Variants in SPIRE1 observed in about 807,000 individuals in gnomAD.
The protein encoded by SPIRE1 is spire type actin nucleation factor 1, also known as protein spire homolog 1.
SPIRE1 carries 40 observed loss-of-function variants against 94.1 expected under a neutral mutation model. That is an observed-to-expected ratio of 0.43 (90% CI 0.33 to 0.55). The LOEUF (loss-of-function observed/expected upper bound fraction) is 0.55. Ranked by LOEUF, SPIRE1 falls within the 20% of genes least tolerant of loss-of-function variation. SPIRE1 has a pLI of 0.06. For synonymous variants in SPIRE1, 376 were observed against 371.7 expected, an observed-to-expected ratio of 1.01 and a Z score of -0.13; for missense variants, 838 against 975.2, an observed-to-expected ratio of 0.86 and a Z score of 1.87.
chr18:12,657,450 G>A lies in SPIRE1; in HGVS notation c.337+80C>T, dbSNP rs2038581168. The A allele has an allele frequency of 3.6e-6, 4 of 1,125,582 alleles. 1 individual carries two copies. The South Asian group carries it at 1.8e-4, about 51-fold the overall frequency. 69.7% of individuals were successfully genotyped at this position (1,125,582 alleles called of 1,614,324 possible). ...ATGGGGGGGGACGGCGGGGGCGGAAGGGCCGGGGACGCTGAGGGTAAGGCG... is the reference window on the plus strand; with the variant it reads ...ATGGGGGGGGACGGCGGGGGCGGAAAGGCCGGGGACGCTGAGGGTAAGGCG... On this transcript the variant is annotated intron_variant, in intron 1 of 16. Transcript: ENST00000409402.
At chr18:12,469,180 A>G (rs1380911542) in intron 10 of SPIRE1, among the ~76,000 whole-genome samples, 10 of 152,146 alleles carry the variant, frequency 6.6e-5, no homozygotes, top group African/African-American at 2.4e-4. Flanking sequence ...TAAAGGTAAC[A>G]TTTTGATTTT....
chr18:12,530,157 T>C (rs2034643528), intron 4 of SPIRE1, among the ~76,000 whole-genome samples: 1 of 152,112 alleles, frequency 6.6e-6, no homozygotes, highest in African/African-American at 2.4e-5. Context: ...ATTTAAGATA[T>C]AAAATAAAAT....
At chr18:12,604,705 C>T (rs774128131) in intron 2 of SPIRE1, among the ~76,000 whole-genome samples, 2 of 152,078 alleles carry the variant, frequency 1.3e-5, no homozygotes, top group Admixed American at 6.6e-5. Flanking sequence ...CCAAGTCTCA[C>T]TTAGTGAGGG....
chr18:12,654,367 C>G (rs1294722410), intron 1 of SPIRE1, among the ~76,000 whole-genome samples: 5 of 144,164 alleles, frequency 3.5e-5, no homozygotes, highest in Non-Finnish European at 7.5e-5. Context: ...AAAAATTTGG[C>G]TGGGCACGGT....
At chr18:12,621,591 T>G (rs552544267) in intron 2 of SPIRE1, among the ~76,000 whole-genome samples, 6 of 152,318 alleles carry the variant, frequency 3.9e-5, no homozygotes, top group Admixed American at 3.3e-4. Context: ...CTGAACATTA[T>G]GCTAAATGAA....
chr18:12,449,938 A>T, intron 16 of SPIRE1, 42 bp from the exon 17 acceptor site: 1 of 1,580,554 alleles, frequency 6.3e-7, no homozygotes, highest in Non-Finnish European at 8.6e-7. Flanking sequence ...TGTTACTTAT[A>T]GGTCTGCTGC....
At chr18:12,503,241 A>G (rs1327070783) in intron 6 of SPIRE1, among the ~76,000 whole-genome samples, 3 of 152,152 alleles carry the variant, frequency 2.0e-5, no homozygotes, top group African/African-American at 7.2e-5. Context: ...CTCACCTACT[A>G]CCATAAAATC....
At chr18:12,527,828 A>G (rs1305739127) in intron 4 of SPIRE1, among the ~76,000 whole-genome samples, 2 of 152,146 alleles carry the variant, frequency 1.3e-5, no homozygotes, top group Admixed American at 6.5e-5. Flanking sequence ...GCACTTTGGG[A>G]GGCCGAGGTG....
At position 12,554,984 on chromosome 18, in the gene SPIRE1, G is replaced by A. The variant is rs1239327827; in HGVS notation, c.373-8080C>T. On this transcript the variant is annotated intron_variant, in intron 2 of 16. Coordinates refer to ENST00000409402, the MANE Select transcript of SPIRE1 (RefSeq NM_001128626.2). The stretch of plus-strand genomic sequence containing the variant: ...AGATCACTGCACCTGGACAATGAGA[G>A]TTCAAATCCCCCACCCATCATGATT... Among the ~76,000 whole-genome samples, 3 of 152,156 alleles carry A rather than the reference G, an allele frequency of 2.0e-5. No homozygotes were observed. The East Asian group carries it at 5.8e-4, about 29-fold the overall frequency.
intron 8 of SPIRE1, among the ~76,000 whole-genome samples, chr18:12,491,299 A>G (rs1379246177): frequency 7.6e-6 from 1 of 132,444 alleles, no homozygotes; most frequent in Non-Finnish European, 1.5e-5. Flanking sequence ...GATAATCCTA[A>G]AATTCCTATG....
chr18:12,661,133 A>T (rs2038688366), upstream of SPIRE1, among the ~76,000 whole-genome samples: 1 of 151,486 alleles, frequency 6.6e-6, no homozygotes, highest in Non-Finnish European at 1.5e-5. Flanking sequence ...CATGGCAAAA[A>T]CCTGTCTCTA....
intron 2 of SPIRE1, among the ~76,000 whole-genome samples, 180 bp downstream of exon 2, chr18:12,634,882 C>T (rs2037879872): frequency 6.6e-6 from 1 of 151,532 alleles, no homozygotes; most frequent in Admixed American, 6.6e-5. Context: ...TTGCAGTGAG[C>T]CAAGATCGTG....
intron 2 of SPIRE1, among the ~76,000 whole-genome samples, chr18:12,609,483 A>G (rs961702810): frequency 1.3e-5 from 2 of 152,172 alleles, no homozygotes; most frequent in Non-Finnish European, 2.9e-5. Flanking sequence ...AAGTAGTAAC[A>G]TTTGTCTTCC....
chr18:12,648,545 TATG>T (rs1324288338), intron 1 of SPIRE1, among the ~76,000 whole-genome samples: 7 of 152,004 alleles, frequency 4.6e-5, no homozygotes, highest in Admixed American at 3.9e-4. Flanking sequence ...ACTAAGGAGA[TATG>T]ATGACTAAAT....
At chr18:12,653,708 G>A (rs1032122381) in intron 1 of SPIRE1, among the ~76,000 whole-genome samples, 7 of 152,192 alleles carry the variant, frequency 4.6e-5, no homozygotes, top group African/African-American at 1.7e-4. Flanking sequence ...AGCACTTTGG[G>A]AGGCCAAGGC....
intron 2 of SPIRE1, among the ~76,000 whole-genome samples, chr18:12,631,072 C>T (rs928658044): frequency 1.3e-4 from 20 of 152,056 alleles, no homozygotes; most frequent in African/African-American, 4.8e-4. Flanking sequence ...CTGCCTACCC[C>T]ACAACTCTAG....
At chr18:12,576,628 GCCTGTAA>G (rs2036108569) in intron 2 of SPIRE1, among the ~76,000 whole-genome samples, 1 of 140,442 alleles carries the variant, frequency 7.1e-6, no homozygotes, top group Non-Finnish European at 1.5e-5. Flanking sequence ...AGTGGCTCAC[GCCTGTAA>G]TCCCAGCACT....
intron 2 of SPIRE1, among the ~76,000 whole-genome samples, chr18:12,612,594 T>G (rs1486185326): frequency 6.6e-6 from 1 of 152,192 alleles, no homozygotes; most frequent in African/African-American, 2.4e-5. Context: ...CTGACCCAAC[T>G]CAAGATCTAC....
chr18:12,636,995 TG>T (rs891401174), intron 1 of SPIRE1, among the ~76,000 whole-genome samples: 5 of 152,170 alleles, frequency 3.3e-5, no homozygotes, highest in African/African-American at 1.2e-4. Context: ...CTACTCTGCA[TG>T]GGGGGAAGAG....
Sources: allele counts gnomAD v4.1 joint callset (sites outside exome capture counted in the v4.1 genomes callset), GRCh38; gene constraint gnomAD v4.1.1; transcripts MANE v1.5; gene names NCBI Gene and HGNC (gene_info 2026-07-23, HGNC 2026-07-21).